The following SLC47A1 variants were observed in gnomAD, a reference collection of about 807,000 sequenced individuals.
SLC47A1 encodes solute carrier family 47 member 1.
A neutral mutation model predicts 65.8 loss-of-function variants in SLC47A1; 58 were observed. The ratio of observed to expected loss-of-function variants is 0.88; its 90% CI spans 0.71 to 1.10. The LOEUF (loss-of-function observed/expected upper bound fraction) is 1.10. SLC47A1 is among the 50% of genes least tolerant of loss of function. The probability of loss-of-function intolerance (pLI) is 0.00; values close to 1 mark genes in which losing one functional copy is unlikely to be tolerated. For synonymous variants in SLC47A1, 285 were observed against 295.0 expected, an observed-to-expected ratio of 0.97 and a Z score of 0.35; for missense variants, 706 against 719.2, an observed-to-expected ratio of 0.98 and a Z score of 0.21.
rs1306942511 is a variant in SLC47A1 at position 19,545,715 on chromosome 17, C to T, written c.238-720C>T. On this transcript the variant is annotated intron_variant, in intron 2 of 16. Coordinates refer to ENST00000270570, the MANE Select transcript of SLC47A1 (RefSeq NM_018242.3). ...ATGCTGCCTAGACTGGTCTCAAACT[C>T]CTGGGCTCAAACGATCCTCCCACCT... Among the ~76,000 whole-genome samples the T allele has an allele frequency of 2.0e-5, 3 of 151,966 alleles. No individual in the cohort carries two copies. In the East Asian group the frequency reaches 5.8e-4, roughly 29 times the overall value.
chr17:19,576,289 T>G (rs2084438840), intron 16 of SLC47A1, among the ~76,000 whole-genome samples: 1 of 149,224 alleles, frequency 6.7e-6, no homozygotes, highest in Admixed American at 6.8e-5. Context: ...AGTAGGCCCT[T>G]TGATGTGAAC....
intron 3 of SLC47A1, 101 bp downstream of exon 3, chr17:19,546,604 T>G: frequency 1.8e-6 from 2 of 1,100,670 alleles, no homozygotes; most frequent in Non-Finnish European, 2.7e-6. Flanking sequence ...AGCCAGCACT[T>G]GCAGCACCTA....
intron 1 of SLC47A1, among the ~76,000 whole-genome samples, chr17:19,536,291 G>C (rs887224987): frequency 2.2e-5 from 3 of 139,188 alleles, no homozygotes; most frequent in African/African-American, 7.8e-5. Flanking sequence ...AACAGGGCAG[G>C]TTTCTGAAAT....
chr17:19,542,047 C>T (rs1260222892), intron 1 of SLC47A1, among the ~76,000 whole-genome samples: 1 of 152,106 alleles, frequency 6.6e-6, no homozygotes, highest in Non-Finnish European at 1.5e-5. Context: ...ATTGCTTGAA[C>T]CTGGGAGGCG....
At chr17:19,549,735 A>C (rs1916396429) in intron 5 of SLC47A1, 58 bp downstream of exon 5, 13 of 1,569,834 alleles carry the variant, frequency 8.3e-6, no homozygotes, top group Middle Eastern at 1.7e-4. Context: ...AAAGGTAGCC[A>C]CCATATCTGT....
chr17:19,565,425 A>T (rs2084347862), intron 12 of SLC47A1, among the ~76,000 whole-genome samples: 1 of 152,056 alleles, frequency 6.6e-6, no homozygotes, highest in African/African-American at 2.4e-5. Flanking sequence ...GCCCAGCCAA[A>T]CTTCTTTTCA....
At chr17:19,549,523 G>C in intron 4 of SLC47A1, 112 bp from the exon 5 acceptor site, 1 of 1,172,670 alleles carries the variant, frequency 8.5e-7, no homozygotes, top group African/African-American at 1.5e-5. Context: ...CATTAATCTG[G>C]AAACAGCCAA....
At chr17:19,565,643 T>C (rs2084350456) in intron 12 of SLC47A1, among the ~76,000 whole-genome samples, 1 of 146,354 alleles carries the variant, frequency 6.8e-6, no homozygotes, top group Non-Finnish European at 1.5e-5. Flanking sequence ...TGCAGTGGCA[T>C]GATCTCAGCT....
rs1916574794 is a variant in SLC47A1, at chr17:19,555,454, G to A, written c.642-139G>A. On this transcript the variant is annotated intron_variant, in intron 7 of 16. Coordinates refer to ENST00000270570, the MANE Select transcript of SLC47A1 (RefSeq NM_018242.3). ...CACTGTGGAAAGCACTGTCAGGGATGGAGGGTGAGGCTGCTCTGGGAAGAA... is the reference window on the plus strand; with the variant it reads ...CACTGTGGAAAGCACTGTCAGGGATAGAGGGTGAGGCTGCTCTGGGAAGAA... 3.9e-6 allele frequency: 5 copies of A among 1,277,442 alleles called. No individual in the cohort carries two copies. The East Asian group carries it at 6.9e-5, about 18-fold the overall frequency. 79.1% of individuals were successfully genotyped at this position (1,277,442 alleles called of 1,614,324 possible). A position where few individuals can be genotyped will look rare whatever the true frequency, so the allele number is the denominator to read the frequency against.
intron 4 of SLC47A1, among the ~76,000 whole-genome samples, chr17:19,548,848 A>C (rs1407240569): frequency 6.6e-6 from 1 of 152,164 alleles, no homozygotes; most frequent in Non-Finnish European, 1.5e-5. Flanking sequence ...AAAGCACCCT[A>C]GGTGATTCTA....
chr17:19,573,042 C>T (rs1206109991), intron 16 of SLC47A1, among the ~76,000 whole-genome samples, 181 bp downstream of exon 16: 1 of 152,232 alleles, frequency 6.6e-6, no homozygotes, highest in Admixed American at 6.5e-5. Flanking sequence ...TCATTCCACA[C>T]ATTAGTAAAC....
chr17:19,576,240 A>T (rs1399452280), intron 16 of SLC47A1, among the ~76,000 whole-genome samples: 2 of 150,332 alleles, frequency 1.3e-5, no homozygotes, highest in Non-Finnish European at 2.9e-5. Flanking sequence ...CCAGGGAGCC[A>T]TATCTTGGGG....
chr17:19,577,577 C>A lies in SLC47A1; in HGVS notation c.*24C>A. The A allele has an allele frequency of 6.2e-7, 1 of 1,613,112 alleles. No individual in the cohort carries two copies. The highest frequency in any genetic ancestry group is 1.1e-5 in the South Asian group (1 of 90,852). ...GACGTGGTAGGAAAGAAAGTCAGGT[C>A]AAGTGATGCTTTTGAGCTTACACAC... On this transcript the variant is annotated 3_prime_UTR_variant, in exon 17 of 17. Coordinates refer to ENST00000270570, the MANE Select transcript of SLC47A1 (RefSeq NM_018242.3).
intron 1 of SLC47A1, among the ~76,000 whole-genome samples, chr17:19,536,636 C>T (rs958760457): frequency 1.3e-5 from 2 of 152,068 alleles, no homozygotes; most frequent in Non-Finnish European, 2.9e-5. Flanking sequence ...GTATGTGGAC[C>T]GGCCTGGGTC....
chr17:19,544,327 C>T (rs968932012), intron 2 of SLC47A1, among the ~76,000 whole-genome samples: 1 of 152,158 alleles, frequency 6.6e-6, no homozygotes, highest in Non-Finnish European at 1.5e-5. Context: ...ATTGTATTTG[C>T]AATAGAGGAG....
rs149110540 is a variant in SLC47A1 at position 19,552,377 on chromosome 17, A to C, written c.543+909A>C. Among the ~76,000 whole-genome samples, 598 of 152,358 alleles carry C rather than the reference A, an allele frequency of 3.9e-3. 10 individuals are homozygous for C. Among genetic ancestry groups the C allele is most frequent in the Admixed American group, 0.032 (486 of 15,304 alleles). ...CTCTATCAACAAAACAAGAATATTT[A>C]GAATCCCGATTAGCATAGAATGACA... On this transcript the variant is annotated intron_variant, in intron 6 of 16. Coordinates refer to ENST00000270570, the MANE Select transcript of SLC47A1 (RefSeq NM_018242.3).
chr17:19,537,562 C>A lies in SLC47A1; in HGVS notation c.135+3488C>A, dbSNP rs564922147. Among the ~76,000 whole-genome samples, 17 of 152,312 alleles carry A rather than the reference C, an allele frequency of 1.1e-4. No homozygotes were observed. The East Asian group carries it at 1.9e-3, about 17-fold the overall frequency. On this transcript the variant is annotated intron_variant, in intron 1 of 16. Coordinates refer to ENST00000270570, the MANE Select transcript of SLC47A1 (RefSeq NM_018242.3). ...AGAGGAAAGCCGGGTGAGGTCCGGC[C>A]CCCACGCCTCTACTCCCCGTTCCCT...
At chr17:19,535,853 T>C (rs1470563134) in intron 1 of SLC47A1, among the ~76,000 whole-genome samples, 7 of 152,166 alleles carry the variant, frequency 4.6e-5, no homozygotes, top group Admixed American at 4.6e-4. Context: ...CCTCCTAACC[T>C]CTTCTGGTCT....
Position 19,567,222 on chromosome 17 carries a change from G to A in SLC47A1, c.1303G>A (p.Val435Met). Reference protein sequence around the residue: ...IALMFATTLGVMGLWSGIIIC... With the variant: ...IALMFATTLGMMGLWSGIIIC... ...GCTGATGTTTGCAACCACACTTGGA[G>A]TGATGGGTAAGCTCTAACCTCTGCA... The change falls in exon 14 of 17, where the codon GTG becomes ATG. Residue 435 changes from valine (V) to methionine (M), a missense_variant. Transcript: ENST00000270570. 1 of 1,614,218 alleles carries A rather than the reference G, an allele frequency of 6.2e-7. No individual in the cohort carries two copies. Among genetic ancestry groups the A allele is most frequent in the African/African-American group, 1.3e-5 (1 of 75,066 alleles).
Sources: gnomAD v4.1 joint callset for allele counts (sites outside exome capture counted in the v4.1 genomes callset) on GRCh38, gnomAD v4.1.1 for gene constraint, MANE v1.5 for transcripts, NCBI Gene and HGNC (gene_info 2026-07-23, HGNC 2026-07-21) for gene names.